NPSR1: variants seen among roughly 807,000 people sequenced by gnomAD.
NPSR1 encodes the protein neuropeptide S receptor 1.
In NPSR1, 48 loss-of-function variants were observed where a neutral mutation model predicts 46.9. The observed-to-expected ratio is 1.02, with a 90% CI of 0.81 to 1.30. The LOEUF is 1.30. Ranked by LOEUF, NPSR1 falls within the 50% of genes most tolerant of loss-of-function variation. The pLI is 0.00. For missense variants in NPSR1, 450 were observed against 449.5 expected, an observed-to-expected ratio of 1.00 and a Z score of -0.01; for synonymous variants, 176 against 168.1, an observed-to-expected ratio of 1.05 and a Z score of -0.36.
intron 3 of NPSR1, among the ~76,000 whole-genome samples, chr7:34,804,535 A>C (rs967356262): frequency 1.3e-5 from 2 of 152,088 alleles, no homozygotes; most frequent in African/African-American, 4.8e-5. Context: ...CAACTTCATT[A>C]ACAGCATCTA....
intron 1 of NPSR1, among the ~76,000 whole-genome samples, chr7:34,669,928 C>T (rs768664429): frequency 1.1e-4 from 17 of 152,156 alleles, no homozygotes; most frequent in South Asian, 2.1e-4. Context: ...AAGCGCTATT[C>T]GAATTTAAGA....
intron 2 of NPSR1, among the ~76,000 whole-genome samples, chr7:34,772,447 C>A (rs1293098925): frequency 6.6e-6 from 1 of 152,184 alleles, no homozygotes; most frequent in Non-Finnish European, 1.5e-5. Flanking sequence ...AGTTCTCTGT[C>A]TGACTAGAAT....
At chr7:34,826,613 C>T (rs989963436) in intron 4 of NPSR1, among the ~76,000 whole-genome samples, 6 of 152,138 alleles carry the variant, frequency 3.9e-5, no homozygotes, top group African/African-American at 9.7e-5. Flanking sequence ...ATCATAACAA[C>T]GGGTGTATTT....
At chr7:34,790,848 TTA>T (rs201050134) in intron 3 of NPSR1, among the ~76,000 whole-genome samples, 13,930 of 129,054 alleles carry the variant, frequency 0.11, 2,078 homozygotes, top group Non-Finnish European at 0.15. Context: ...TATATATATG[TTA>T]TATGTTATGT....
At chr7:34,871,647 A>T (rs1791454818) in intron 8 of NPSR1, 1 of 151,874 alleles carries the variant, frequency 6.6e-6, no homozygotes, top group African/African-American at 2.4e-5. Context: ...TTGGGTAAAC[A>T]TTCCCATTCC....
intron 2 of NPSR1, among the ~76,000 whole-genome samples, chr7:34,744,289 T>C (rs1348790773): frequency 6.6e-6 from 1 of 152,108 alleles, no homozygotes; most frequent in Non-Finnish European, 1.5e-5. Context: ...CTACAGGATT[T>C]TTCTTAATTA....
At chr7:34,763,773 T>C (rs1053559652) in intron 2 of NPSR1, among the ~76,000 whole-genome samples, 1 of 152,166 alleles carries the variant, frequency 6.6e-6, no homozygotes, top group Non-Finnish European at 1.5e-5. Flanking sequence ...CTCAACTGCA[T>C]CTTCTTCACT....
intron 3 of NPSR1, among the ~76,000 whole-genome samples, chr7:34,807,457 C>T (rs1418373884): frequency 1.3e-5 from 2 of 152,030 alleles, no homozygotes; most frequent in Non-Finnish European, 2.9e-5. Context: ...TATCCTATTG[C>T]CATCATGTGT....
chr7:34,733,323 G>A (rs1784516008), intron 2 of NPSR1, among the ~76,000 whole-genome samples: 1 of 151,842 alleles, frequency 6.6e-6, no homozygotes, highest in Admixed American at 6.6e-5. Context: ...GGAGGCTAAG[G>A]CAGGAGAATT....
rs114519686 is a variant in NPSR1, at chr7:34,706,027, A to G, written c.280+21343A>G. ...TCACTCCACAACAATAATGATTTAG[A>G]TGGGTATAGAAATCTTGAATTCATA... On this transcript the variant is annotated intron_variant, in intron 2 of 8. Transcript: ENST00000360581. Among the ~76,000 whole-genome samples the G allele has an allele frequency of 5.4e-3, 815 of 151,754 alleles. 4 individuals are homozygous for G. The highest frequency in any genetic ancestry group is 0.017 in the African/African-American group (700 of 41,402).
chr7:34,862,395 A>G (rs2128768192), intron 8 of NPSR1, among the ~76,000 whole-genome samples: 1 of 151,676 alleles, frequency 6.6e-6, no homozygotes, highest in Admixed American at 6.5e-5. Flanking sequence ...GGATAACTCT[A>G]CCCTTTATTT....
At chr7:34,828,531 C>T (rs1789965409) in intron 5 of NPSR1, among the ~76,000 whole-genome samples, 1 of 148,956 alleles carries the variant, frequency 6.7e-6, no homozygotes, top group Non-Finnish European at 1.5e-5. Flanking sequence ...TGGGAGACTA[C>T]AGGAAGAGAC....
chr7:34,683,615 T>A (rs563381153), intron 1 of NPSR1, among the ~76,000 whole-genome samples: 1 of 152,018 alleles, frequency 6.6e-6, no homozygotes, highest in Non-Finnish European at 1.5e-5. Flanking sequence ...AGTGCCAGGG[T>A]CTGGGAAGGT....
intron 1 of NPSR1, among the ~76,000 whole-genome samples, chr7:34,664,597 C>T (rs1177662779): frequency 7.3e-6 from 1 of 137,678 alleles, no homozygotes; most frequent in African/African-American, 3.1e-5. Context: ...ATGAATTAAG[C>T]TGTTTCTTTT....
chr7:34,722,929 G>T (rs915025732), intron 2 of NPSR1, among the ~76,000 whole-genome samples: 13 of 152,156 alleles, frequency 8.5e-5, no homozygotes, highest in African/African-American at 2.7e-4. Context: ...GGAGAGGTGA[G>T]GAAGGCCATT....
At chr7:34,674,194 A>G (rs36093504) in intron 1 of NPSR1, among the ~76,000 whole-genome samples, 87 of 152,272 alleles carry the variant, frequency 5.7e-4, no homozygotes, top group African/African-American at 2.0e-3. Context: ...AGATGTGGGA[A>G]GAAGTTGGGA....
chr7:34,739,341 T>C (rs1246909927), intron 2 of NPSR1, among the ~76,000 whole-genome samples: 1 of 152,252 alleles, frequency 6.6e-6, no homozygotes. Flanking sequence ...GACTGCATCT[T>C]TTTATATTCT....
At chr7:34,831,107 T>C (rs1158488339) in intron 5 of NPSR1, among the ~76,000 whole-genome samples, 1 of 152,206 alleles carries the variant, frequency 6.6e-6, no homozygotes, top group Non-Finnish European at 1.5e-5. Context: ...CATCTAGACT[T>C]CATGGCAGTT....
chr7:34,779,611 C>G (rs891298306), intron 3 of NPSR1: 1 of 1,251,368 alleles, frequency 8.0e-7, no homozygotes, highest in Non-Finnish European at 1.0e-6. Context: ...CTTTTGTGCT[C>G]TGAATATAAC....
Sources: allele counts gnomAD v4.1 joint callset (sites outside exome capture counted in the v4.1 genomes callset), GRCh38; gene constraint gnomAD v4.1.1; transcripts MANE v1.5; gene names NCBI Gene and HGNC (gene_info 2026-07-23, HGNC 2026-07-21).